Variants in MORC1 observed in about 807,000 individuals in gnomAD.
MORC1 encodes the protein MORC family CW-type zinc finger 1.
MORC1 carries 59 observed loss-of-function variants against 134.9 expected under a neutral mutation model. The ratio of observed to expected loss-of-function variants is 0.44; its 90% CI spans 0.35 to 0.54. The LOEUF is 0.54. MORC1 is among the 20% of genes least tolerant of loss of function. MORC1 has a pLI of 0.00. For synonymous variants in MORC1, 395 were observed against 391.7 expected, an observed-to-expected ratio of 1.01 and a Z score of -0.10; for missense variants, 947 against 1,134.5, an observed-to-expected ratio of 0.83 and a Z score of 2.37.
chr3:108,967,339 G>C lies in MORC1; in HGVS notation c.2604+2330C>G, dbSNP rs7611966. ...CAGCTGTATGACAGTATAATTCTTA[G>C]CAAATTTCAAAGTTTTACAGTGCAT... is the stretch of plus-strand genomic sequence containing the variant. On this transcript the variant is annotated intron_variant, in intron 26 of 27. Coordinates refer to ENST00000232603, the MANE Select transcript of MORC1 (RefSeq NM_014429.4). Among the ~76,000 whole-genome samples, 1,148 of 152,198 alleles carry C rather than the reference G, an allele frequency of 7.5e-3. 10 individuals are homozygous for C. Among genetic ancestry groups the C allele is most frequent in the Middle Eastern group, 0.024 (7 of 294 alleles).
Position 109,031,649 on chromosome 3 carries a change from T to C in MORC1, c.1565+1071A>G, listed in dbSNP as rs548828777. Among the ~76,000 whole-genome samples the C allele has an allele frequency of 7.0e-4, 107 of 152,318 alleles. 1 individual carries two copies. Among genetic ancestry groups the C allele is most frequent in the Non-Finnish European group, 1.3e-3 (88 of 68,024 alleles). ...GGTTTCTTAGCCTGGATTTGCGTTT[T>C]AATTCTCATTTTTCCAAAATAAAGA... On this transcript the variant is annotated intron_variant, in intron 16 of 27. Transcript: ENST00000232603.
intron 21 of MORC1, among the ~76,000 whole-genome samples, chr3:108,993,237 C>T (rs1021516696): frequency 6.6e-6 from 1 of 152,146 alleles, no homozygotes; most frequent in African/African-American, 2.4e-5. Flanking sequence ...TGGTGTCCCT[C>T]AAAAATGTCT....
intron 6 of MORC1, among the ~76,000 whole-genome samples, chr3:109,098,209 C>T (rs1950863506): frequency 6.6e-6 from 1 of 152,006 alleles, no homozygotes; most frequent in South Asian, 2.1e-4. Flanking sequence ...CCGTGCCCAG[C>T]TAGAACTTGT....
intron 23 of MORC1, among the ~76,000 whole-genome samples, chr3:108,984,423 G>A (rs777027905): frequency 6.6e-6 from 1 of 151,978 alleles, no homozygotes; most frequent in African/African-American, 2.4e-5. Flanking sequence ...TTATATATGT[G>A]TGACATTTTC....
chr3:109,030,003 A>G (rs1020294607), intron 16 of MORC1, among the ~76,000 whole-genome samples: 1 of 152,338 alleles, frequency 6.6e-6, no homozygotes, highest in African/African-American at 2.4e-5. Flanking sequence ...AAATGGAATG[A>G]GCATATATAA....
intron 24 of MORC1, among the ~76,000 whole-genome samples, chr3:108,972,968 T>A (rs1213319505): frequency 6.6e-6 from 1 of 152,176 alleles, no homozygotes; most frequent in Non-Finnish European, 1.5e-5. Context: ...AAGTTCTGGA[T>A]TAGTTCTCGA....
intron 17 of MORC1, among the ~76,000 whole-genome samples, chr3:109,010,820 T>C (rs557709973): frequency 6.6e-6 from 1 of 152,308 alleles, no homozygotes; most frequent in Non-Finnish European, 1.5e-5. Flanking sequence ...TCCATATTGC[T>C]GTGTGAATCA....
chr3:109,049,250 G>A (rs913183987), intron 14 of MORC1: 2 of 420,176 alleles, frequency 4.8e-6, no homozygotes, highest in Admixed American at 6.4e-5. Context: ...GCTACATCCA[G>A]GTACTACAGC....
At chr3:109,102,795 C>T (rs1950954381) in intron 4 of MORC1, among the ~76,000 whole-genome samples, 1 of 152,132 alleles carries the variant, frequency 6.6e-6, no homozygotes, top group Admixed American at 6.5e-5. Context: ...AATATTCAGG[C>T]TAGAAGTGAA....
chr3:109,104,866 AACACACAC>A (rs5851642), intron 3 of MORC1, among the ~76,000 whole-genome samples: 2,029 of 149,288 alleles, frequency 0.014, 26 homozygotes, highest in African/African-American at 0.036. Context: ...GACAAATTTT[AACACACAC>A]ACACACACAC....
chr3:109,079,739 A>T (rs1950490211), intron 8 of MORC1, among the ~76,000 whole-genome samples: 1 of 152,128 alleles, frequency 6.6e-6, no homozygotes, highest in Non-Finnish European at 1.5e-5. Flanking sequence ...CTATACAGAA[A>T]ATCTAATGAA....
At chr3:109,044,121 G>T (rs1559915881) in intron 14 of MORC1, among the ~76,000 whole-genome samples, 1 of 152,020 alleles carries the variant, frequency 6.6e-6, no homozygotes, top group African/African-American at 2.4e-5. Context: ...AATGCACACA[G>T]AATTAAATTC....
At chr3:108,992,656 G>C (rs1948095442) in intron 21 of MORC1, among the ~76,000 whole-genome samples, 1 of 152,180 alleles carries the variant, frequency 6.6e-6, no homozygotes, top group South Asian at 2.1e-4. Context: ...TGGAGGAAAT[G>C]ATTACATGTA....
chr3:109,102,405 GA>G (rs1487882743), intron 4 of MORC1, among the ~76,000 whole-genome samples: 1 of 152,104 alleles, frequency 6.6e-6, no homozygotes, highest in Non-Finnish European at 1.5e-5. Context: ...TTTTCAGCAG[GA>G]AAATGTACAT....
chr3:109,010,136 C>G (rs1281280756), intron 17 of MORC1, among the ~76,000 whole-genome samples: 3 of 152,126 alleles, frequency 2.0e-5, no homozygotes, highest in Non-Finnish European at 2.9e-5. Context: ...TTCTCTCTCT[C>G]TCTTCTCCCT....
At chr3:109,100,561 T>C in intron 4 of MORC1, 54 bp from the exon 5 acceptor site, 2 of 1,362,310 alleles carry the variant, frequency 1.5e-6, no homozygotes, top group Non-Finnish European at 2.1e-6. Context: ...GACACTGGCC[T>C]GAGGCCCAGC....
At chr3:109,043,182 AAAATGTGGG>A (rs1949598043) in intron 14 of MORC1, among the ~76,000 whole-genome samples, 1 of 24,088 alleles carries the variant, frequency 4.2e-5, no homozygotes, top group African/African-American at 1.4e-4. Context: ...AAAATGTGGC[AAAATGTGGG>A]GGGGGGGGGG....
intron 2 of MORC1, among the ~76,000 whole-genome samples, chr3:109,111,193 T>C (rs1025150127): frequency 6.6e-6 from 1 of 151,624 alleles, no homozygotes; most frequent in Non-Finnish European, 1.5e-5. Flanking sequence ...TTAAAGAACA[T>C]ACATGGAAGG....
chr3:108,979,655 C>G lies in MORC1; in HGVS notation c.2337G>C (p.Val779=), dbSNP rs76539963. Residue 779 remains valine (V), a synonymous_variant, in exon 24 of 28, where the codon GTG becomes GTC. Transcript: ENST00000232603. ...SLPSWKSLLN[V]PMEDVNLSSG... is the part of the protein sequence containing the mutation. Reference sequence around the variant, plus strand: ...AACTTAGATTCACATCTTCCATCGGCACATTGAGCAAGCTGAGGTTTGTCA... The same window carrying G: ...AACTTAGATTCACATCTTCCATCGGGACATTGAGCAAGCTGAGGTTTGTCA... The G allele has an allele frequency of 7.0e-4, 1,123 of 1,613,520 alleles. 27 individuals are homozygous for G. In the East Asian group the frequency reaches 0.021, roughly 31 times the overall value.
Sources: gnomAD v4.1 joint callset for allele counts (sites outside exome capture counted in the v4.1 genomes callset) on GRCh38, gnomAD v4.1.1 for gene constraint, MANE v1.5 for transcripts, NCBI Gene and HGNC (gene_info 2026-07-23, HGNC 2026-07-21) for gene names.